The following ANKRD17 variants were observed in gnomAD, a reference collection of about 807,000 sequenced individuals.
The protein encoded by ANKRD17 is ankyrin repeat domain 17.
A neutral mutation model predicts 229.7 loss-of-function variants in ANKRD17; 19 were observed. The ratio of observed to expected loss-of-function variants is 0.08; its 90% CI spans 0.06 to 0.12. The LOEUF (loss-of-function observed/expected upper bound fraction) is 0.12. ANKRD17 is among the 10% of genes least tolerant of loss of function. ANKRD17 has a pLI of 1.00. For missense variants in ANKRD17, 2,176 were observed against 3,176.8 expected (o/e 0.68, Z 7.57); for synonymous variants, 1,112 against 1,146.1 (o/e 0.97, Z 0.60).
intron 16 of ANKRD17, among the ~76,000 whole-genome samples, chr4:73,125,871 A>T (rs1727394980): frequency 6.6e-6 from 1 of 152,224 alleles, no homozygotes; most frequent in South Asian, 2.1e-4. Context: ...GATTGAAAGA[A>T]ATACTGTGGA....
chr4:73,195,541 ACT>A (rs953484604), intron 1 of ANKRD17, among the ~76,000 whole-genome samples: 3 of 151,656 alleles, frequency 2.0e-5, no homozygotes, highest in Non-Finnish European at 4.4e-5. Context: ...ACAGAGTCTC[ACT>A]CTGTCACCAG....
chr4:73,091,325 A>G lies in ANKRD17; in HGVS notation c.6303T>C (p.Ser2101=). 1 of 1,613,944 alleles carries G rather than the reference A, an allele frequency of 6.2e-7. No homozygotes were observed. The highest frequency in any genetic ancestry group is 8.5e-7 in the Non-Finnish European group (1 of 1,179,990). ...GTTGCTGATTAGAATGAGCTGATGA[A>G]CTCCCAGAAGAACTGCTGCTGTTTG... ...RPPNSSSSSG[S]SSAHSNQQQP... The change falls in exon 29 of 34, where the codon AGT becomes AGC. Residue 2101 remains serine (S), a synonymous_variant. Coordinates refer to ENST00000358602, the MANE Select transcript of ANKRD17 (RefSeq NM_032217.5).
At chr4:73,187,012 C>T (rs1560682960) in intron 1 of ANKRD17, among the ~76,000 whole-genome samples, 1 of 152,032 alleles carries the variant, frequency 6.6e-6, no homozygotes. Context: ...AGTCATAAGC[C>T]TGGTGACATT....
chr4:73,224,205 T>G (rs886950785), intron 1 of ANKRD17, among the ~76,000 whole-genome samples: 1 of 152,150 alleles, frequency 6.6e-6, no homozygotes, highest in African/African-American at 2.4e-5. Context: ...ATTGTGCCAC[T>G]GGCACCCTAG....
intron 18 of ANKRD17, among the ~76,000 whole-genome samples, chr4:73,122,906 T>C (rs1333995306): frequency 1.3e-5 from 2 of 152,126 alleles, no homozygotes; most frequent in African/African-American, 4.8e-5. Context: ...CAGAGAACTC[T>C]TCTGCTCCCA....
intron 3 of ANKRD17, among the ~76,000 whole-genome samples, chr4:73,159,998 C>A (rs1732286711): frequency 6.6e-6 from 1 of 152,058 alleles, no homozygotes. Context: ...CATTAGACAA[C>A]AAAGAATTCT....
chr4:73,088,776 T>C (rs778941113), intron 29 of ANKRD17, among the ~76,000 whole-genome samples: 17 of 152,146 alleles, frequency 1.1e-4, no homozygotes, highest in Non-Finnish European at 2.4e-4. Flanking sequence ...TAACATTGAG[T>C]TCCCATTAAA....
chr4:73,179,482 G>GTA (rs1560665173), intron 1 of ANKRD17, among the ~76,000 whole-genome samples: 2 of 59,392 alleles, frequency 3.4e-5, no homozygotes, highest in African/African-American at 1.3e-4. Context: ...GTGTGTGTGT[G>GTA]TGTGTGTATA....
rs755970664 is a variant in ANKRD17, at chr4:73,120,148, T to C, written c.4025+14A>G. 5.6e-6 allele frequency: 9 copies of C among 1,612,440 alleles called. No homozygotes were observed. In the African/African-American group the frequency reaches 1.2e-4, roughly 22 times the overall value. On this transcript the variant is annotated intron_variant, in intron 21 of 33. Coordinates refer to ENST00000358602, the MANE Select transcript of ANKRD17 (RefSeq NM_032217.5). The stretch of plus-strand genomic sequence containing the variant: ...CACTTGTGTTCATATATGAAGGGTA[T>C]GGTAACAACATACCTGCCAATAAGA...
intron 1 of ANKRD17, among the ~76,000 whole-genome samples, chr4:73,250,931 C>T (rs1301926105): frequency 1.3e-5 from 2 of 152,014 alleles, no homozygotes; most frequent in Non-Finnish European, 2.9e-5. Flanking sequence ...ATTTCCTTCT[C>T]CCCACTCTCT....
chr4:73,165,094 T>A (rs890275055), intron 2 of ANKRD17, among the ~76,000 whole-genome samples: 1 of 152,060 alleles, frequency 6.6e-6, no homozygotes, highest in Non-Finnish European at 1.5e-5. Flanking sequence ...GCTGAATATA[T>A]AAGCTAAAAT....
intron 1 of ANKRD17, among the ~76,000 whole-genome samples, chr4:73,225,107 T>A (rs1337055103): frequency 5.9e-5 from 9 of 152,212 alleles, no homozygotes; most frequent in Non-Finnish European, 8.8e-5. Context: ...TGTTGAGACC[T>A]GGCTTAAACA....
chr4:73,177,618 G>C (rs940931874), intron 1 of ANKRD17, 85 bp from the exon 2 acceptor site: 1 of 1,066,624 alleles, frequency 9.4e-7, no homozygotes, highest in Non-Finnish European at 1.4e-6. Flanking sequence ...AGAAAGCAGG[G>C]GAGGGAAAAA....
chr4:73,120,427 G>C, intron 20 of ANKRD17, 90 bp from the exon 21 acceptor site: 1 of 1,214,240 alleles, frequency 8.2e-7, no homozygotes, highest in Non-Finnish European at 1.1e-6. Flanking sequence ...GAAGGAATAT[G>C]ATACAGCTGT....
At chr4:73,109,724 C>T (rs1725071807) in intron 24 of ANKRD17, among the ~76,000 whole-genome samples, 2 of 151,922 alleles carry the variant, frequency 1.3e-5, no homozygotes, top group Non-Finnish European at 2.9e-5. Flanking sequence ...TCACACATTT[C>T]AAGTAAAATT....
chr4:73,155,803 A>C, intron 4 of ANKRD17, 25 bp from the exon 5 acceptor site: 1 of 1,610,116 alleles, frequency 6.2e-7, no homozygotes, highest in Non-Finnish European at 8.5e-7. Flanking sequence ...ATAGTTTAAA[A>C]AGATATTAGG....
intron 22 of ANKRD17, among the ~76,000 whole-genome samples, chr4:73,117,554 TAG>T (rs1279835847): frequency 1.3e-5 from 2 of 152,190 alleles, no homozygotes; most frequent in Middle Eastern, 3.4e-3. Context: ...AACAAAAATA[TAG>T]AGAGTCAAAA....
rs750692553 is a variant in ANKRD17, at chr4:73,149,058, T to A, written c.1330-8A>T. 6.2e-7 allele frequency: 1 copy of A among 1,601,906 alleles called. No homozygotes were observed. The highest frequency in any genetic ancestry group is 8.5e-7 in the Non-Finnish European group (1 of 1,172,276). ...TACTTCAACATGGCCATCCTAATGA[T>A]AATACAATTTAAAAAATTAAATCAG... On this transcript the variant is annotated splice_region_variant and splice_polypyrimidine_tract_variant and intron_variant, in intron 7 of 33. Coordinates refer to ENST00000358602, the MANE Select transcript of ANKRD17 (RefSeq NM_032217.5).
At chr4:73,186,872 T>C (rs1736365521) in intron 1 of ANKRD17, among the ~76,000 whole-genome samples, 2 of 152,184 alleles carry the variant, frequency 1.3e-5, no homozygotes, top group African/African-American at 4.8e-5. Flanking sequence ...ATTATGAATT[T>C]AGCCTGCTCC....
Sources: allele counts gnomAD v4.1 joint callset (sites outside exome capture counted in the v4.1 genomes callset), GRCh38; gene constraint gnomAD v4.1.1; transcripts MANE v1.5; gene names NCBI Gene and HGNC (gene_info 2026-07-23, HGNC 2026-07-21).